The following RELT variants were observed in gnomAD, a reference collection of about 807,000 sequenced individuals.
The protein encoded by RELT is tumor necrosis factor receptor superfamily member 19L.
A neutral mutation model predicts 51.1 loss-of-function variants in RELT; 37 were observed. The ratio of observed to expected loss-of-function variants is 0.72; its 90% CI spans 0.56 to 0.95. RELT has a LOEUF of 0.95. RELT is among the 40% of genes least tolerant of loss of function. The pLI, the probability that RELT is intolerant of heterozygous loss-of-function variation, is 0.00. For missense variants in RELT, 535 were observed against 572.6 expected (o/e 0.93, Z 0.67); for synonymous variants, 241 against 235.7 (o/e 1.02, Z -0.21).
rs1352824926 is a variant in RELT at position 73,393,646 on chromosome 11, A to C, written c.626-191A>C. On this transcript the variant is annotated intron_variant, in intron 6 of 10. Transcript: ENST00000064780. Reference sequence around the variant, plus strand: ...TGGGTGCAGGAAGCACTGGTGTTGAATCATGAAGGTGATATGGGCTTCTCT... The same window carrying C: ...TGGGTGCAGGAAGCACTGGTGTTGACTCATGAAGGTGATATGGGCTTCTCT... 3 of 1,546,654 alleles carry C rather than the reference A, an allele frequency of 1.9e-6. No homozygotes were observed. The East Asian group carries it at 7.3e-5, about 38-fold the overall frequency.
intron 1 of RELT, among the ~76,000 whole-genome samples, chr11:73,387,851 G>A (rs1021114416): frequency 6.6e-6 from 1 of 152,202 alleles, no homozygotes; most frequent in Admixed American, 6.5e-5. Context: ...AGTCACAGCG[G>A]GGGCCTCAGC....
At chr11:73,389,683 C>T (rs1350171430) in intron 2 of RELT, among the ~76,000 whole-genome samples, 1 of 152,232 alleles carries the variant, frequency 6.6e-6, no homozygotes, top group Non-Finnish European at 1.5e-5. Context: ...GCCCTGGGGC[C>T]CATCTTTCTG....
intron 1 of RELT, among the ~76,000 whole-genome samples, chr11:73,377,695 C>G (rs942715991): frequency 6.6e-6 from 1 of 151,596 alleles, no homozygotes; most frequent in Non-Finnish European, 1.5e-5. Context: ...CCCCGCCCCC[C>G]TCCCCCGCGC....
chr11:73,389,964 T>C (rs1245488209), intron 2 of RELT, among the ~76,000 whole-genome samples: 1 of 152,180 alleles, frequency 6.6e-6, no homozygotes, highest in Non-Finnish European at 1.5e-5. Context: ...GGACACACAC[T>C]GAGAAGATGG....
rs1384190383 is a variant in RELT at position 73,397,190 on chromosome 11, G to A, written c.*1699G>A. The A allele has an allele frequency of 6.6e-6, 1 of 152,390 alleles. No homozygotes were observed. Among genetic ancestry groups the A allele is most frequent in the Non-Finnish European group, 1.5e-5 (1 of 68,142 alleles). 9.4% of individuals were successfully genotyped at this position (152,390 alleles called of 1,614,324 possible). A position where few individuals can be genotyped will look rare whatever the true frequency, so the allele number is the denominator to read the frequency against. Reference sequence around the variant, plus strand: ...GGGGTGAGGAAGATGTGCGGGCCAGGGAATGTGTTCCACAGAGAGGGACAG... The same window carrying A: ...GGGGTGAGGAAGATGTGCGGGCCAGAGAATGTGTTCCACAGAGAGGGACAG... On this transcript the variant is annotated 3_prime_UTR_variant, in exon 11 of 11. Coordinates refer to ENST00000064780, the MANE Select transcript of RELT (RefSeq NM_152222.2).
intron 1 of RELT, among the ~76,000 whole-genome samples, chr11:73,383,691 C>G (rs1024166451): frequency 1.3e-5 from 2 of 152,232 alleles, no homozygotes; most frequent in Non-Finnish European, 2.9e-5. Flanking sequence ...CTGTGTGACC[C>G]CCGCCAGTGA....
rs1415599603 is a variant in RELT, at chr11:73,395,241, A to G, written c.1201A>G (p.Ser401Gly). 1.9e-6 allele frequency: 3 copies of G among 1,613,072 alleles called. No homozygotes were observed. Among genetic ancestry groups the G allele is most frequent in the Non-Finnish European group, 2.5e-6 (3 of 1,179,972 alleles). ...GCAGGCCCTGCTAGGAAGTGGCGGA[A>G]GCCGTACAAAGTGGCTGAAGCCCCC... The part of the protein sequence containing the change: ...EQQALLGSGG[S>G]RTKWLKPPAE... Residue 401 changes from serine (S) to glycine (G), a missense_variant, in exon 10 of 11, where the codon AGC becomes GGC. Transcript: ENST00000064780.
At chr11:73,390,055 G>A (rs1866185615) in intron 2 of RELT, among the ~76,000 whole-genome samples, 1 of 152,198 alleles carries the variant, frequency 6.6e-6, no homozygotes, top group African/African-American at 2.4e-5. Flanking sequence ...AGATTGCAGA[G>A]GAGGATGTGG....
Position 73,394,052 on chromosome 11 carries a change from C to G in RELT, c.706+135C>G. The G allele has an allele frequency of 1.0e-6, 1 of 1,001,870 alleles. No homozygotes were observed. Among genetic ancestry groups the G allele is most frequent in the Non-Finnish European group, 1.5e-6 (1 of 647,898 alleles). The allele number at this position is 1,001,870 out of a possible 1,614,324, so 62.1% of individuals were successfully genotyped here. On this transcript the variant is annotated intron_variant, in intron 7 of 10. Coordinates refer to ENST00000064780, the MANE Select transcript of RELT (RefSeq NM_152222.2). The surrounding 1 kb of genome is among the most constrained non-coding windows in gnomAD (Gnocchi z 4.9). ...CCAGGGTGCCTCAAGCAGCCTGGTG[C>G]TCTCTGACCCAGGAGTGCACACCTC... is the stretch of plus-strand genomic sequence containing the variant.
intron 1 of RELT, among the ~76,000 whole-genome samples, chr11:73,386,674 C>T (rs900048623): frequency 6.6e-6 from 1 of 152,220 alleles, no homozygotes; most frequent in Admixed American, 6.5e-5. Flanking sequence ...GGCTTTGAGT[C>T]TGGGCCTTTG....
intron 1 of RELT, 148 bp downstream of exon 1, chr11:73,376,647 C>G (rs895178062): frequency 3.9e-5 from 6 of 152,018 alleles, no homozygotes; most frequent in East Asian, 1.9e-4. Flanking sequence ...CGCGCGCCCC[C>G]CCACCCCACT....
chr11:73,385,123 T>C (rs1011697848), intron 1 of RELT, among the ~76,000 whole-genome samples: 8 of 151,732 alleles, frequency 5.3e-5, no homozygotes, highest in African/African-American at 1.9e-4. Context: ...AGGGCGGGAC[T>C]GACCTGGAGG....
At chr11:73,385,878 A>G (rs1288530271) in intron 1 of RELT, among the ~76,000 whole-genome samples, 4 of 152,134 alleles carry the variant, frequency 2.6e-5, no homozygotes, top group African/African-American at 4.8e-5. Flanking sequence ...AATAAATTTA[A>G]AAATTTAGCC....
chr11:73,379,530 GGA>G (rs1467886357), intron 1 of RELT, among the ~76,000 whole-genome samples: 1 of 152,224 alleles, frequency 6.6e-6, no homozygotes, highest in African/African-American at 2.4e-5. Context: ...TTTCACAGAA[GGA>G]GAGATTGAGG....
At position 73,395,277 on chromosome 11, in the gene RELT, A is replaced by G; in HGVS notation, c.1237A>G (p.Lys413Glu). The change falls in exon 10 of 11, where the codon AAG (lysine) becomes GAG (glutamate). Residue 413 changes from lysine to glutamate, a missense_variant. Coordinates refer to ENST00000064780, the MANE Select transcript of RELT (RefSeq NM_152222.2). ...GTGGCTGAAGCCCCCAGCAGAGAAC[A>G]AGGCCGAGGTGAGAGTCAAGGAGAA... ...TKWLKPPAEN[K>E]AEENRYVVRL... 6.2e-7 allele frequency: 1 copy of G among 1,612,856 alleles called. No individual in the cohort carries two copies. Among genetic ancestry groups the G allele is most frequent in the Non-Finnish European group, 8.5e-7 (1 of 1,179,892 alleles).
intron 1 of RELT, among the ~76,000 whole-genome samples, chr11:73,386,268 C>G (rs1866122203): frequency 6.6e-6 from 1 of 152,226 alleles, no homozygotes; most frequent in Non-Finnish European, 1.5e-5. Flanking sequence ...GGGTGTGGCT[C>G]TCCTCTGTCA....
In RELT at chr11:73,390,574, C is replaced by G. The variant is rs776441900; in HGVS notation, c.69C>G (p.Thr23=). ...AGCTGCTGCCCTGGCCTCTCGCCACCCTGACATCAACAACCCTTTGGCAGT... is the reference window on the plus strand; with the variant it reads ...AGCTGCTGCCCTGGCCTCTCGCCACGCTGACATCAACAACCCTTTGGCAGT... ...FLMLLPWPLA[T]LTSTTLWQCP... Residue 23 remains threonine, a synonymous_variant, in exon 3 of 11, where the codon ACC becomes ACG. Coordinates refer to ENST00000064780, the MANE Select transcript of RELT (RefSeq NM_152222.2). 5 of 1,614,076 alleles carry G rather than the reference C, an allele frequency of 3.1e-6. No homozygotes were observed. The highest frequency in any genetic ancestry group is 2.2e-5 in the South Asian group (2 of 91,082).
chr11:73,390,502 C>T, intron 2 of RELT, 49 bp from the exon 3 acceptor site: 1 of 1,545,410 alleles, frequency 6.5e-7, no homozygotes, highest in Non-Finnish European at 8.9e-7. Context: ...ACCCCAGAGA[C>T]CCCACACCCA....
At chr11:73,377,253 G>C (rs1463920001) in intron 1 of RELT, among the ~76,000 whole-genome samples, 1 of 126,440 alleles carries the variant, frequency 7.9e-6, no homozygotes, top group Non-Finnish European at 1.6e-5. Flanking sequence ...GTGTGCGTGT[G>C]GGGTCAAGTG....
Sources: allele counts gnomAD v4.1 joint callset (sites outside exome capture counted in the v4.1 genomes callset), GRCh38; gene constraint gnomAD v4.1.1; non-coding constraint Gnocchi (gnomAD v3.1); transcripts MANE v1.5; gene names NCBI Gene and HGNC (gene_info 2026-07-23, HGNC 2026-07-21).